The following NDUFC2 variants were observed in gnomAD, a reference collection of about 807,000 sequenced individuals.
NDUFC2 encodes NADH dehydrogenase [ubiquinone] 1 subunit C2.
Under a neutral mutation model 10.1 loss-of-function variants are expected in NDUFC2, and 2 were observed. The ratio of observed to expected loss-of-function variants is 0.20; its 90% CI spans 0.08 to 0.62. The LOEUF (loss-of-function observed/expected upper bound fraction) is 0.62, where lower values mean the gene tolerates loss of function less well. Ranked by LOEUF, NDUFC2 falls within the 20% of genes least tolerant of loss-of-function variation. The pLI is 0.87. For missense variants in NDUFC2, 156 were observed against 159.6 expected (o/e 0.98, Z 0.12); for synonymous variants, 61 against 63.6 (o/e 0.96, Z 0.20).
Position 78,069,552 on chromosome 11 carries a change from G to A in NDUFC2, c.*435C>T. On this transcript the variant is annotated 3_prime_UTR_variant, in exon 3 of 3. Coordinates refer to ENST00000281031, the MANE Select transcript of NDUFC2 (RefSeq NM_004549.6). Reference sequence around the variant, plus strand: ...TCACTCTAAATTCACTTTGCACTAGGACAGGGGCAGGCAAACCTTTTCTGA... The same window carrying A: ...TCACTCTAAATTCACTTTGCACTAGAACAGGGGCAGGCAAACCTTTTCTGA... 3.2e-6 allele frequency: 1 copy of A among 316,578 alleles called. No homozygotes were observed. Among genetic ancestry groups the A allele is most frequent in the Non-Finnish European group, 5.7e-6 (1 of 175,168 alleles). 19.6% of individuals were successfully genotyped at this position (316,578 alleles called of 1,614,324 possible). A position where few individuals can be genotyped will look rare whatever the true frequency, so the allele number is the denominator to read the frequency against.
chr11:78,073,742 C>T (rs1396047060), intron 1 of NDUFC2, among the ~76,000 whole-genome samples: 1 of 133,200 alleles, frequency 7.5e-6, no homozygotes, highest in Non-Finnish European at 1.5e-5. Flanking sequence ...GCAGAGGTTG[C>T]AGTGAGCCGA....
intron 1 of NDUFC2, among the ~76,000 whole-genome samples, chr11:78,077,175 C>A (rs1449982247): frequency 2.0e-5 from 3 of 152,000 alleles, no homozygotes; most frequent in African/African-American, 4.8e-5. Context: ...ACCTGTAGTC[C>A]CAGCTACTTG....
chr11:78,073,111 G>T lies in NDUFC2; in HGVS notation c.197C>A (p.Ala66Asp), dbSNP rs762972248. The T allele has an allele frequency of 6.2e-7, 1 of 1,612,884 alleles. No homozygotes were observed. Among genetic ancestry groups the T allele is most frequent in the East Asian group, 2.2e-5 (1 of 44,884 alleles). Reference sequence around the variant, plus strand: ...AAGATAATATCCAGCAAAAAAAAAGGCCGTAATATATAGAAGCTGGCGATG... The same window carrying T: ...AAGATAATATCCAGCAAAAAAAAAGTCCGTAATATATAGAAGCTGGCGATG... ...GLHRQLLYITAFFFAGYYLVK... is the reference protein window; with the variant it reads ...GLHRQLLYITDFFFAGYYLVK... Residue 66 changes from alanine to aspartate, a missense_variant, in exon 2 of 3, where the codon GCC becomes GAC. Coordinates refer to ENST00000281031, the MANE Select transcript of NDUFC2 (RefSeq NM_004549.6).
chr11:78,070,391 C>T (rs1449484817), intron 2 of NDUFC2, among the ~76,000 whole-genome samples: 4 of 152,144 alleles, frequency 2.6e-5, no homozygotes, highest in African/African-American at 9.7e-5. Context: ...TCTTGGACTT[C>T]CCAGCCTCCA....
chr11:78,073,889 T>C (rs1297531583), intron 1 of NDUFC2, among the ~76,000 whole-genome samples: 2 of 151,514 alleles, frequency 1.3e-5, no homozygotes, highest in Non-Finnish European at 2.9e-5. Context: ...TTTTTTTTTT[T>C]GAGACAGGGT....
intron 2 of NDUFC2, 200 bp downstream of exon 2, chr11:78,072,796 GAT>G: frequency 1.4e-6 from 1 of 691,876 alleles, no homozygotes; most frequent in Admixed American, 3.1e-5. Context: ...AGGCAGAGGG[GAT>G]ATGAGTTTTG....
chr11:78,073,245 A>G, intron 1 of NDUFC2, 104 bp from the exon 2 acceptor site: 3 of 1,556,092 alleles, frequency 1.9e-6, no homozygotes, highest in Non-Finnish European at 2.6e-6. Flanking sequence ...TAATCCCAGC[A>G]CTTTGGGAGG....
At position 78,068,715 on chromosome 11, in the gene NDUFC2, G is replaced by A. The variant is rs2136815833; in HGVS notation, c.*1272C>T. 4 of 151,832 alleles carry A rather than the reference G, an allele frequency of 2.6e-5. No individual in the cohort carries two copies. The highest frequency in any genetic ancestry group is 6.8e-3 in the Middle Eastern group (2 of 294). 9.4% of individuals were successfully genotyped at this position (151,832 alleles called of 1,614,324 possible). On this transcript the variant is annotated 3_prime_UTR_variant, in exon 3 of 3. Transcript: ENST00000281031. ...CAGGAGAATTGCTTGAACCCAGGAG[G>A]TGGAGGTTGCAGTGAGCCGAAATTG...
At chr11:78,073,407 A>G (rs1859102286) in intron 1 of NDUFC2, among the ~76,000 whole-genome samples, 2 of 152,062 alleles carry the variant, frequency 1.3e-5, no homozygotes, top group African/African-American at 4.8e-5. Flanking sequence ...CAGGCGAATC[A>G]TTGGAACCTG....
At chr11:78,074,897 C>T (rs1276637608) in intron 1 of NDUFC2, among the ~76,000 whole-genome samples, 15 of 152,168 alleles carry the variant, frequency 9.9e-5, no homozygotes, top group Admixed American at 8.5e-4. Context: ...GACCCATGTT[C>T]CTCACAGAAA....
rs888768494 is a variant in NDUFC2, at chr11:78,069,764, C to T, written c.*223G>A. Reference sequence around the variant, plus strand: ...TGCTAACTCTAAACTAGAATTCAACCTCATCTTAAAATCTTTCAGATGGGT... The same window carrying T: ...TGCTAACTCTAAACTAGAATTCAACTTCATCTTAAAATCTTTCAGATGGGT... On this transcript the variant is annotated 3_prime_UTR_variant, in exon 3 of 3. Transcript: ENST00000281031. The T allele has an allele frequency of 3.8e-6, 4 of 1,065,336 alleles. No homozygotes were observed. Among genetic ancestry groups the T allele is most frequent in the African/African-American group, 3.2e-5 (2 of 62,176 alleles). 66.0% of individuals were successfully genotyped at this position (1,065,336 alleles called of 1,614,324 possible). A position where few individuals can be genotyped will look rare whatever the true frequency, so the allele number is the denominator to read the frequency against.
At chr11:78,070,699 C>A (rs1458212447) in intron 2 of NDUFC2, among the ~76,000 whole-genome samples, 1 of 152,134 alleles carries the variant, frequency 6.6e-6, no homozygotes, top group African/African-American at 2.4e-5. Context: ...CCAGGAGTAT[C>A]CTGACTGAAG....
chr11:78,077,148 C>A lies in NDUFC2; in HGVS notation c.166+2431G>T, dbSNP rs142161902. Among the ~76,000 whole-genome samples the A allele has an allele frequency of 2.8e-4, 43 of 152,212 alleles. No individual in the cohort carries two copies. The East Asian group carries it at 8.1e-3, about 29-fold the overall frequency. On this transcript the variant is annotated intron_variant, in intron 1 of 2. Coordinates refer to ENST00000281031, the MANE Select transcript of NDUFC2 (RefSeq NM_004549.6). The stretch of plus-strand genomic sequence containing the variant: ...CTCTACAAAAAATTTTAAAATTGGC[C>A]AGGCCTGGTGGTATGTACCTGTAGT...
chr11:78,074,917 A>G (rs1023941737), intron 1 of NDUFC2, among the ~76,000 whole-genome samples: 5 of 152,134 alleles, frequency 3.3e-5, no homozygotes, highest in Admixed American at 6.5e-5. Flanking sequence ...AGACTCCATA[A>G]GCGTTCGAGA....
intron 1 of NDUFC2, among the ~76,000 whole-genome samples, chr11:78,076,298 C>A (rs756702158): frequency 2.7e-4 from 41 of 152,184 alleles, no homozygotes; most frequent in Non-Finnish European, 4.7e-4. Flanking sequence ...TGTGCCATCA[C>A]GCCTGGCTAA....
chr11:78,070,677 G>T (rs1369839371), intron 2 of NDUFC2, among the ~76,000 whole-genome samples: 3 of 152,160 alleles, frequency 2.0e-5, no homozygotes, highest in African/African-American at 7.2e-5. Flanking sequence ...TGCCAAGAGG[G>T]ACAAGGTGCT....
At chr11:78,070,075 T>C (rs1858931688) in intron 2 of NDUFC2, 39 bp from the exon 3 acceptor site, 1 of 1,385,502 alleles carries the variant, frequency 7.2e-7, no homozygotes, top group African/African-American at 1.5e-5. Context: ...ATTTTAAAAA[T>C]ATGTTTTAAA....
intron 2 of NDUFC2, 168 bp downstream of exon 2, chr11:78,072,830 A>G (rs1859067002): frequency 3.2e-6 from 3 of 948,000 alleles, no homozygotes; most frequent in Middle Eastern, 3.4e-4. Flanking sequence ...AAGGACACGG[A>G]GGTAGTCAGA....
intron 1 of NDUFC2, among the ~76,000 whole-genome samples, chr11:78,079,000 A>G (rs1859381196): frequency 6.6e-6 from 1 of 151,500 alleles, no homozygotes; most frequent in Admixed American, 6.6e-5. Flanking sequence ...CGCTGGGATT[A>G]CAGGTGTGAG....
Sources: gnomAD v4.1 joint callset for allele counts (sites outside exome capture counted in the v4.1 genomes callset) on GRCh38, gnomAD v4.1.1 for gene constraint, MANE v1.5 for transcripts, NCBI Gene and HGNC (gene_info 2026-07-23, HGNC 2026-07-21) for gene names.